PRKAR1B: variants seen among roughly 807,000 people sequenced by gnomAD.
The protein encoded by PRKAR1B is cAMP-dependent protein kinase type I-beta regulatory subunit.
A neutral mutation model predicts 46.5 loss-of-function variants in PRKAR1B; 22 were observed. That is an observed-to-expected ratio of 0.47 (90% CI 0.34 to 0.68). PRKAR1B has a LOEUF of 0.68. Among genes scored for constraint, PRKAR1B ranks in the 30% least tolerant of loss-of-function variants. PRKAR1B has a pLI of 0.01. For synonymous variants in PRKAR1B, 259 were observed against 217.7 expected, an observed-to-expected ratio of 1.19 and a Z score of -1.67; for missense variants, 445 against 535.6, an observed-to-expected ratio of 0.83 and a Z score of 1.67.
chr7:637,606 G>A (rs929604447), intron 4 of PRKAR1B, among the ~76,000 whole-genome samples: 1 of 152,132 alleles, frequency 6.6e-6, no homozygotes, highest in Non-Finnish European at 1.5e-5. Context: ...GGCCGAGGTG[G>A]GTGGATCACC....
chr7:711,871 C>CG (rs1780654018), intron 1 of PRKAR1B, among the ~76,000 whole-genome samples: 2 of 151,790 alleles, frequency 1.3e-5, no homozygotes, highest in African/African-American at 2.4e-5. Flanking sequence ...AGGGTCCAGC[C>CG]GGGGGGTTCC....
At chr7:680,157 CAAAAAAAAAAAA>C (rs372918350) in intron 3 of PRKAR1B, among the ~76,000 whole-genome samples, 5 of 73,666 alleles carry the variant, frequency 6.8e-5, no homozygotes, top group Admixed American at 1.5e-4. Context: ...GACTCTGTTT[CAAAAAAAAAAAA>C]AAAAAAAAAG....
At chr7:700,093 T>A (rs1037532902) in intron 2 of PRKAR1B, among the ~76,000 whole-genome samples, 1 of 151,284 alleles carries the variant, frequency 6.6e-6, no homozygotes, top group African/African-American at 2.4e-5. Context: ...AAAATGGGGG[T>A]CCCCGAATTC....
rs527828585 is a variant in PRKAR1B, at chr7:690,493, T to TAAC, written c.178-9770_178-9768dup. On this transcript the variant is annotated intron_variant, in intron 2 of 10. Coordinates refer to ENST00000537384, the MANE Select transcript of PRKAR1B (RefSeq NM_001164760.2). ...AAAAAGAAATTAAATAAGAAGCCAT[T>TAAC]AACAACAACAACAACAAATTTCAAG... is the stretch of plus-strand genomic sequence containing the variant. Among the ~76,000 whole-genome samples, 476 of 152,090 alleles carry TAAC rather than the reference T, an allele frequency of 3.1e-3. 5 individuals are homozygous for TAAC. Among genetic ancestry groups the TAAC allele is most frequent in the African/African-American group, 0.011 (455 of 41,502 alleles).
chr7:628,833 GGCTCAAGGAC>G lies in PRKAR1B; in HGVS notation c.441-21391_441-21382del, dbSNP rs1490162428. 0.011 allele frequency among the ~76,000 whole-genome samples: 288 copies of G among 27,186 alleles called. 11 individuals carry two copies. The Admixed American group carries it at 0.12, about 11-fold the overall frequency. 17.8% of individuals were successfully genotyped at this position (27,186 alleles called of 152,430 possible). On this transcript the variant is annotated intron_variant, in intron 4 of 10. Coordinates refer to ENST00000537384, the MANE Select transcript of PRKAR1B (RefSeq NM_001164760.2). ...AAATTCCTCGCCCACCCCCAAGTCA[GGCTCAAGGAC>G]CCCCCAAGTCAGGCTCAAGGACCCC... is the stretch of plus-strand genomic sequence containing the variant.
intron 7 of PRKAR1B, among the ~76,000 whole-genome samples, chr7:589,994 G>A (rs1228868505): frequency 6.6e-6 from 1 of 152,240 alleles, no homozygotes; most frequent in African/African-American, 2.4e-5. Flanking sequence ...CAATGGCACG[G>A]GGCCACTTTC....
intron 4 of PRKAR1B, among the ~76,000 whole-genome samples, chr7:627,089 G>A (rs927467945): frequency 3.3e-5 from 5 of 152,150 alleles, no homozygotes; most frequent in Admixed American, 2.6e-4. Flanking sequence ...TGGCCAGGAT[G>A]GTCTCAATCT....
intron 4 of PRKAR1B, among the ~76,000 whole-genome samples, chr7:632,148 G>A (rs1252837799): frequency 2.0e-5 from 3 of 152,200 alleles, no homozygotes; most frequent in African/African-American, 4.8e-5. Context: ...AGCAGGTGCT[G>A]GCCAAGGTCT....
intron 4 of PRKAR1B, among the ~76,000 whole-genome samples, chr7:622,926 C>T (rs570742315): frequency 6.6e-6 from 1 of 152,286 alleles, no homozygotes; most frequent in East Asian, 1.9e-4. Flanking sequence ...ACATGCTGCC[C>T]TCGCTGGGGA....
intron 4 of PRKAR1B, among the ~76,000 whole-genome samples, chr7:664,799 A>G (rs746648374): frequency 6.6e-6 from 1 of 152,090 alleles, no homozygotes; most frequent in Non-Finnish European, 1.5e-5. Flanking sequence ...CTGTGGCCCC[A>G]GCTAGTCGGG....
At chr7:555,849 C>T (rs1038327996) in intron 9 of PRKAR1B, among the ~76,000 whole-genome samples, 1 of 152,182 alleles carries the variant, frequency 6.6e-6, no homozygotes, top group African/African-American at 2.4e-5. Context: ...GGCCCTGTTG[C>T]AGGAGGGGTG....
intron 3 of PRKAR1B, among the ~76,000 whole-genome samples, chr7:678,582 A>T (rs897916189): frequency 1.2e-4 from 18 of 152,238 alleles, no homozygotes; most frequent in Non-Finnish European, 2.4e-4. Flanking sequence ...CCCGCTTAAA[A>T]TGAAACCACG....
chr7:694,271 C>A (rs1030445470), intron 2 of PRKAR1B, among the ~76,000 whole-genome samples: 1 of 151,768 alleles, frequency 6.6e-6, no homozygotes, highest in African/African-American at 2.4e-5. Context: ...GGCGAGAGAG[C>A]GAGACTCCAT....
At chr7:570,992 C>T (rs536707983) in intron 9 of PRKAR1B, among the ~76,000 whole-genome samples, 1 of 152,204 alleles carries the variant, frequency 6.6e-6, no homozygotes, top group Non-Finnish European at 1.5e-5. Context: ...GAGGACAGGG[C>T]GTGTCTGCGG....
intron 4 of PRKAR1B, among the ~76,000 whole-genome samples, chr7:673,650 A>C (rs1173170127): frequency 8.1e-6 from 1 of 124,166 alleles, no homozygotes; most frequent in Non-Finnish European, 1.9e-5. Context: ...CTCCATCTCA[A>C]AAAAAAAAAA....
chr7:667,465 T>C lies in PRKAR1B; in HGVS notation c.440+9764A>G, dbSNP rs902975115. On this transcript the variant is annotated intron_variant, in intron 4 of 10. Transcript: ENST00000537384. The surrounding 1 kb of genome is among the most constrained non-coding windows in gnomAD (Gnocchi z 4.3). ...GATTGTGTGTGCATGACTGTGTGCA[T>C]AGGCGTGCCTGGGAATAAGACCACT... is the stretch of plus-strand genomic sequence containing the variant. 3.3e-5 allele frequency among the ~76,000 whole-genome samples: 5 copies of C among 152,200 alleles called. No individual in the cohort carries two copies. Among genetic ancestry groups the C allele is most frequent in the Non-Finnish European group, 7.4e-5 (5 of 68,024 alleles).
At chr7:585,584 T>A (rs1780550896) in intron 7 of PRKAR1B, among the ~76,000 whole-genome samples, 1 of 150,600 alleles carries the variant, frequency 6.6e-6, no homozygotes, top group African/African-American at 2.5e-5. Flanking sequence ...CCTAGATAAG[T>A]CCCCTGGGGT....
At chr7:606,092 G>A in intron 6 of PRKAR1B, 101 bp downstream of exon 6, 1 of 1,097,728 alleles carries the variant, frequency 9.1e-7, no homozygotes, top group East Asian at 2.4e-5. Context: ...ACGGCACTCA[G>A]CGCAGTGTTT....
intron 9 of PRKAR1B, among the ~76,000 whole-genome samples, chr7:575,996 C>A (rs532595826): frequency 6.6e-6 from 1 of 151,764 alleles, no homozygotes; most frequent in East Asian, 1.9e-4. Flanking sequence ...CTGGCATCCT[C>A]TGCTCTGCAC....
Sources: allele counts gnomAD v4.1 joint callset (sites outside exome capture counted in the v4.1 genomes callset), GRCh38; gene constraint gnomAD v4.1.1; non-coding constraint Gnocchi (gnomAD v3.1); transcripts MANE v1.5; gene names NCBI Gene and HGNC (gene_info 2026-07-23, HGNC 2026-07-21).